Variants in TFB1M observed in about 807,000 individuals in gnomAD.
The protein encoded by TFB1M is transcription factor B1, mitochondrial, also known as dimethyladenosine transferase 1, mitochondrial.
Under a neutral mutation model 31.1 loss-of-function variants are expected in TFB1M, and 27 were observed. That is an observed-to-expected ratio of 0.87 (90% CI 0.64 to 1.20). The LOEUF (loss-of-function observed/expected upper bound fraction) is 1.20, where lower values mean the gene tolerates loss of function less well. TFB1M is among the 50% of genes most tolerant of loss of function. The pLI is 0.00. For missense variants in TFB1M, 394 were observed against 418.7 expected (o/e 0.94, Z 0.51); for synonymous variants, 166 against 151.8 (o/e 1.09, Z -0.69).
At chr6:155,314,147 G>GTTC (rs61630844) in intron 1 of TFB1M, 149 bp downstream of exon 1, 919,340 of 1,526,550 alleles carry the variant, frequency 0.6, 279,685 homozygotes, top group East Asian at 0.8. Flanking sequence ...TGGGACCGGA[G>GTTC]TTCTGATACA....
chr6:155,304,279 G>C (rs1777565005), intron 2 of TFB1M, among the ~76,000 whole-genome samples: 1 of 151,990 alleles, frequency 6.6e-6, no homozygotes, highest in Non-Finnish European at 1.5e-5. Context: ...CGAAACTCTT[G>C]TCTCAAAAAA....
At chr6:155,262,835 A>G (rs1784451112) in intron 5 of TFB1M, among the ~76,000 whole-genome samples, 1 of 152,218 alleles carries the variant, frequency 6.6e-6, no homozygotes, top group Admixed American at 6.5e-5. Context: ...AAATACAGGA[A>G]GTGTCTAACT....
chr6:155,272,693 A>G (rs1237322882), intron 5 of TFB1M, among the ~76,000 whole-genome samples: 1 of 152,104 alleles, frequency 6.6e-6, no homozygotes, highest in Non-Finnish European at 1.5e-5. Context: ...TTGGAGAACA[A>G]ATTCTTTCTA....
At chr6:155,251,073 A>G in the TFB1M span, 12 of 1,524,708 alleles carry the variant, frequency 7.9e-6, no homozygotes, top group Non-Finnish European at 1.1e-5. Flanking sequence ...GGGATTACGG[A>G]AGAACTTCAC....
chr6:155,259,804 T>C (rs1478638376), intron 6 of TFB1M, among the ~76,000 whole-genome samples: 2 of 152,246 alleles, frequency 1.3e-5, no homozygotes, highest in African/African-American at 4.8e-5. Context: ...CAGTGATTCC[T>C]GAGAGCCTCT....
chr6:155,249,767 A>G, the TFB1M span: 81 of 1,193,976 alleles, frequency 6.8e-5, no homozygotes, highest in Non-Finnish European at 9.0e-5. Context: ...CCTGAGTTGA[A>G]TCTTGACTCC....
rs61677970 is a variant in TFB1M, at chr6:155,307,136, TACACAC to T, written c.285+4046_285+4051del. Among the ~76,000 whole-genome samples the T allele has an allele frequency of 1.1e-3, 163 of 146,944 alleles. 1 individual carries two copies. Among genetic ancestry groups the T allele is most frequent in the South Asian group, 3.7e-3 (17 of 4,638 alleles). ...AGAGTGAGACCATGTCTCAAACACA[TACACAC>T]ACACACACACACACACACACACACA... is the stretch of plus-strand genomic sequence containing the variant. On this transcript the variant is annotated intron_variant, in intron 2 of 6. Coordinates refer to ENST00000367166, the MANE Select transcript of TFB1M (RefSeq NM_016020.4).
intron 2 of TFB1M, among the ~76,000 whole-genome samples, chr6:155,308,243 A>C (rs552674943): frequency 6.6e-6 from 1 of 152,216 alleles, no homozygotes; most frequent in Non-Finnish European, 1.5e-5. Flanking sequence ...CTAGGTGTCC[A>C]ATGCAAGTTT....
At chr6:155,307,102 C>G (rs1334943350) in intron 2 of TFB1M, among the ~76,000 whole-genome samples, 2 of 151,410 alleles carry the variant, frequency 1.3e-5, no homozygotes, top group Non-Finnish European at 2.9e-5. Context: ...GCACTCCAGC[C>G]TGGGTGACAG....
Position 155,311,125 on chromosome 6 carries a change from A to G in TFB1M, c.285+63T>C, listed in dbSNP as rs149043279. 2,322 of 1,577,058 alleles carry G rather than the reference A, an allele frequency of 1.5e-3. 29 individuals carry two copies. In the African/African-American group the frequency reaches 0.027, roughly 18 times the overall value. ...TCTTTGGATACCTTGGGGTTTAAGC[A>G]TCATGGCATAAAGATTTAAATTCAG... is the stretch of plus-strand genomic sequence containing the variant. On this transcript the variant is annotated intron_variant, in intron 2 of 6. Transcript: ENST00000367166.
At chr6:155,258,656 T>C (rs1784236604) in intron 6 of TFB1M, among the ~76,000 whole-genome samples, 2 of 152,216 alleles carry the variant, frequency 1.3e-5, no homozygotes, top group South Asian at 2.1e-4. Flanking sequence ...AATTGAACCA[T>C]TGTTTTAAAA....
chr6:155,278,291 C>T (rs919634922), intron 5 of TFB1M, among the ~76,000 whole-genome samples: 2 of 152,228 alleles, frequency 1.3e-5, no homozygotes, highest in Non-Finnish European at 2.9e-5. Context: ...CATCTGCACT[C>T]GCAGAAAATG....
In TFB1M at chr6:155,265,937, C is replaced by T. The variant is rs113732082; in HGVS notation, c.667-5537G>A. On this transcript the variant is annotated intron_variant, in intron 5 of 6. Coordinates refer to ENST00000367166, the MANE Select transcript of TFB1M (RefSeq NM_016020.4). ...CCAATGTTTGAGGATAGGAAGCATC[C>T]AGCACGTGAGAAAAGATGTGGGCTG... Among the ~76,000 whole-genome samples the T allele has an allele frequency of 1.0e-2, 1,518 of 151,830 alleles. 26 individuals carry two copies. Among genetic ancestry groups the T allele is most frequent in the Non-Finnish European group, 0.011 (778 of 67,964 alleles).
intron 5 of TFB1M, among the ~76,000 whole-genome samples, chr6:155,268,344 A>G (rs372360205): frequency 3.3e-5 from 5 of 152,208 alleles, no homozygotes; most frequent in African/African-American, 1.2e-4. Flanking sequence ...GTCAGCCACC[A>G]AAGTGTTTCC....
intron 6 of TFB1M, among the ~76,000 whole-genome samples, chr6:155,259,193 GGTAA>G (rs1351203734): frequency 6.6e-6 from 1 of 152,188 alleles, no homozygotes; most frequent in Non-Finnish European, 1.5e-5. Flanking sequence ...CTGCGTGAGG[GGTAA>G]GTGTGAGCCA....
rs751125876 is a variant in TFB1M, at chr6:155,285,145, A to C, written c.666+13T>G. On this transcript the variant is annotated intron_variant, in intron 5 of 6. Coordinates refer to ENST00000367166, the MANE Select transcript of TFB1M (RefSeq NM_016020.4). ...TAATTCCGATATACTACAACAAATA[A>C]GCAGAAACTTACCTCTGGTTTGGGG... 3.7e-6 allele frequency: 6 copies of C among 1,613,674 alleles called. No homozygotes were observed. Among genetic ancestry groups the C allele is most frequent in the Non-Finnish European group, 5.1e-6 (6 of 1,179,740 alleles).
intron 5 of TFB1M, chr6:155,276,072 C>T (rs760882647): frequency 3.7e-6 from 6 of 1,614,160 alleles, no homozygotes; most frequent in Non-Finnish European, 5.1e-6. Flanking sequence ...AGCCATGCTT[C>T]CTTTGCTGGA....
chr6:155,314,232 C>G, intron 1 of TFB1M, 64 bp downstream of exon 1: 1 of 1,591,528 alleles, frequency 6.3e-7, no homozygotes, highest in Middle Eastern at 1.8e-4. Context: ...ACGTGCAAGA[C>G]CCCCCGGCCC....
intron 5 of TFB1M, among the ~76,000 whole-genome samples, chr6:155,281,721 C>CAAAAAAA: frequency 1.6e-5 from 1 of 63,236 alleles, no homozygotes; most frequent in Non-Finnish European, 2.9e-5. Context: ...GACTCTGTCT[C>CAAAAAAA]AAAAAAAAAA....
Sources: allele counts gnomAD v4.1 joint callset (sites outside exome capture counted in the v4.1 genomes callset), GRCh38; gene constraint gnomAD v4.1.1; transcripts MANE v1.5; gene names NCBI Gene and HGNC (gene_info 2026-07-23, HGNC 2026-07-21).